RPP30: variants seen among roughly 807,000 people sequenced by gnomAD.
RPP30 encodes ribonuclease P/MRP subunit p30, also known as ribonuclease P protein subunit p30.
A neutral mutation model predicts 38.6 loss-of-function variants in RPP30; 36 were observed. That is an observed-to-expected ratio of 0.93 (90% CI 0.71 to 1.23). RPP30 has a LOEUF of 1.23. Among genes scored for constraint, RPP30 ranks in the 50% most tolerant of loss-of-function variants. The pLI, the probability that RPP30 is intolerant of heterozygous loss-of-function variation, is 0.00. For synonymous variants in RPP30, 126 were observed against 112.7 expected (o/e 1.12, Z -0.75); for missense variants, 321 against 321.7 (o/e 1.00, Z 0.02).
intron 5 of RPP30, among the ~76,000 whole-genome samples, chr10:90,884,528 CTT>C (rs1197278278): frequency 2.0e-5 from 3 of 152,154 alleles, no homozygotes; most frequent in Non-Finnish European, 2.9e-5. Context: ...TTCAGTGACT[CTT>C]TTATGAGTTG....
Position 90,876,111 on chromosome 10 carries a change from T to C in RPP30, c.270+13T>C. The C allele has an allele frequency of 6.7e-7, 1 of 1,489,140 alleles. No individual in the cohort carries two copies. The highest frequency in any genetic ancestry group is 9.4e-7 in the Non-Finnish European group (1 of 1,068,226). 92.2% of individuals were successfully genotyped at this position (1,489,140 alleles called of 1,614,324 possible). ...CTGCAATGTTTTGGTAAGTTAATTA[T>C]TTTTCTTCTCTCCTTTTGGCTTTGT... On this transcript the variant is annotated intron_variant, in intron 4 of 10. Transcript: ENST00000371703.
downstream of RPP30, among the ~76,000 whole-genome samples, chr10:90,907,347 A>G (rs1191418930): frequency 6.6e-6 from 1 of 152,212 alleles, no homozygotes; most frequent in Non-Finnish European, 1.5e-5. Context: ...GGGGCCAACA[A>G]ACAAGATTGG....
chr10:90,885,904 A>G lies in RPP30; in HGVS notation c.432+3A>G. 6.4e-7 allele frequency: 1 copy of G among 1,552,594 alleles called. No individual in the cohort carries two copies. Among genetic ancestry groups the G allele is most frequent in the Non-Finnish European group, 8.8e-7 (1 of 1,130,248 alleles). Reference sequence around the variant, plus strand: ...TCAAAAGACCTCCTATTAATGTGGTAAGTGTACTTTCCATTCTGTATTTGA... The same window carrying G: ...TCAAAAGACCTCCTATTAATGTGGTGAGTGTACTTTCCATTCTGTATTTGA... On this transcript the variant is annotated splice_donor_region_variant and intron_variant, in intron 6 of 10. Coordinates refer to ENST00000371703, the MANE Select transcript of RPP30 (RefSeq NM_006413.5).
intron 1 of RPP30, among the ~76,000 whole-genome samples, chr10:90,874,619 T>G (rs1846826083): frequency 6.6e-6 from 1 of 152,238 alleles, no homozygotes; most frequent in South Asian, 2.1e-4. Context: ...CATTTAAATT[T>G]CATGACAGTG....
At position 90,875,729 on chromosome 10, in the gene RPP30, G is replaced by A. The variant is rs552016365; in HGVS notation, c.195+115G>A. On this transcript the variant is annotated intron_variant, in intron 3 of 10. Transcript: ENST00000371703. ...CCTTACTCTGAGTACCAGTCTTAAC[G>A]TTTTCCTCAAGGCTCAGCTCTTCAG... 93 of 878,662 alleles carry A rather than the reference G, an allele frequency of 1.1e-4. No individual in the cohort carries two copies. The African/African-American group carries it at 1.4e-3, about 13-fold the overall frequency. The allele number at this position is 878,662 out of a possible 1,614,324, so 54.4% of individuals were successfully genotyped here.
At chr10:90,903,338 C>T (rs1847223370), downstream of RPP30, 1 of 1,087,612 alleles carries the variant, frequency 9.2e-7, no homozygotes, top group Non-Finnish European at 1.4e-6. Flanking sequence ...GATGTATGTT[C>T]AATTTTTTGC....
At chr10:90,872,124 C>T in intron 1 of RPP30, 56 bp downstream of exon 1, 1 of 1,420,726 alleles carries the variant, frequency 7.0e-7, no homozygotes, top group African/African-American at 1.4e-5. Context: ...ACCATCGGGC[C>T]ACACTCCGGA....
In RPP30 at chr10:90,901,719, G is replaced by A. The variant is rs951515242; in HGVS notation, c.*1040G>A. 1.0e-6 allele frequency: 1 copy of A among 983,916 alleles called. No homozygotes were observed. Among genetic ancestry groups the A allele is most frequent in the Admixed American group, 6.1e-5 (1 of 16,268 alleles). The allele number at this position is 983,916 out of a possible 1,614,324, so 60.9% of individuals were successfully genotyped here. On this transcript the variant is annotated 3_prime_UTR_variant, in exon 11 of 11. Coordinates refer to ENST00000371703, the MANE Select transcript of RPP30 (RefSeq NM_006413.5). Reference sequence around the variant, plus strand: ...ATACATGCATTTATGCAATATTAATGTAAGGGCTCTAAAACAATGGAGTAG... The same window carrying A: ...ATACATGCATTTATGCAATATTAATATAAGGGCTCTAAAACAATGGAGTAG...
At chr10:90,892,376 A>G (rs1847091386) in intron 6 of RPP30, among the ~76,000 whole-genome samples, 1 of 152,166 alleles carries the variant, frequency 6.6e-6, no homozygotes, top group African/African-American at 2.4e-5. Flanking sequence ...ATTATTTTTA[A>G]TTTTTCTTTT....
At chr10:90,891,345 G>A (rs937527651) in intron 6 of RPP30, among the ~76,000 whole-genome samples, 1 of 152,108 alleles carries the variant, frequency 6.6e-6, no homozygotes, top group African/African-American at 2.4e-5. Context: ...TCTTCACATG[G>A]CCATCGTCTC....
At position 90,900,690 on chromosome 10, in the gene RPP30, C is replaced by T; in HGVS notation, c.*11C>T. Reference sequence around the variant, plus strand: ...AAGTGTGAGGGCTGAAAAGAATGCCCCAGTCTCTGTCAGCACTCCCTTCTT... The same window carrying T: ...AAGTGTGAGGGCTGAAAAGAATGCCTCAGTCTCTGTCAGCACTCCCTTCTT... On this transcript the variant is annotated 3_prime_UTR_variant, in exon 11 of 11. Transcript: ENST00000371703. 4 of 1,611,146 alleles carry T rather than the reference C, an allele frequency of 2.5e-6. No homozygotes were observed. Among genetic ancestry groups the T allele is most frequent in the East Asian group, 2.2e-5 (1 of 44,842 alleles).
chr10:90,876,228 C>T, intron 4 of RPP30, 130 bp downstream of exon 4: 1 of 609,536 alleles, frequency 1.6e-6, no homozygotes, highest in Non-Finnish European at 3.0e-6. Context: ...CACCTGCTTG[C>T]TCTCCTTGTC....
chr10:90,890,347 T>C (rs2120213995), intron 6 of RPP30, among the ~76,000 whole-genome samples: 1 of 152,332 alleles, frequency 6.6e-6, no homozygotes, highest in East Asian at 1.9e-4. Flanking sequence ...CAATGTTATT[T>C]CCATTTCAAT....
intron 1 of RPP30, among the ~76,000 whole-genome samples, chr10:90,873,851 C>T (rs1276264700): frequency 6.6e-6 from 1 of 151,942 alleles, no homozygotes; most frequent in African/African-American, 2.4e-5. Context: ...CTTCAGGGAG[C>T]CTTTTGTGAC....
chr10:90,889,654 A>G (rs2120212471), intron 6 of RPP30, among the ~76,000 whole-genome samples: 3 of 152,258 alleles, frequency 2.0e-5, no homozygotes, highest in Middle Eastern at 6.8e-3. Context: ...GTATTAAGAA[A>G]GGTAAATCAT....
chr10:90,892,274 A>G (rs1308513637), intron 6 of RPP30, among the ~76,000 whole-genome samples: 1 of 152,240 alleles, frequency 6.6e-6, no homozygotes, highest in East Asian at 1.9e-4. Context: ...ATGGTCTTAC[A>G]GCAAGATCCC....
intron 10 of RPP30, among the ~76,000 whole-genome samples, chr10:90,897,869 C>T (rs149607817): frequency 2.0e-5 from 3 of 152,114 alleles, no homozygotes; most frequent in Non-Finnish European, 2.9e-5. Context: ...GCATGCAATG[C>T]ATAATAATTA....
intron 10 of RPP30, among the ~76,000 whole-genome samples, chr10:90,896,955 A>G (rs1224417326): frequency 6.6e-6 from 1 of 151,758 alleles, no homozygotes; most frequent in Admixed American, 6.6e-5. Flanking sequence ...GAGTCTCACT[A>G]TGTTGCCCAG....
At chr10:90,897,308 A>G (rs1049174384) in intron 10 of RPP30, among the ~76,000 whole-genome samples, 2 of 152,238 alleles carry the variant, frequency 1.3e-5, no homozygotes, top group Non-Finnish European at 2.9e-5. Flanking sequence ...GTAGATTGCT[A>G]CATATAGACT....
Sources: gnomAD v4.1 joint callset for allele counts (sites outside exome capture counted in the v4.1 genomes callset) on GRCh38, gnomAD v4.1.1 for gene constraint, MANE v1.5 for transcripts, NCBI Gene and HGNC (gene_info 2026-07-23, HGNC 2026-07-21) for gene names.